The following INTS1 variants were observed in gnomAD, a reference collection of about 807,000 sequenced individuals.
The protein encoded by INTS1 is integrator complex subunit 1.
A neutral mutation model predicts 241.6 loss-of-function variants in INTS1; 137 were observed. The ratio of observed to expected loss-of-function variants is 0.57; its 90% CI spans 0.49 to 0.65. The LOEUF is 0.65. Among genes scored for constraint, INTS1 ranks in the 30% least tolerant of loss-of-function variants. The probability of loss-of-function intolerance (pLI) is 0.00; values close to 1 mark genes in which losing one functional copy is unlikely to be tolerated. For synonymous variants in INTS1, 1,692 were observed against 1,337.8 expected, an observed-to-expected ratio of 1.26 and a Z score of -5.78; for missense variants, 3,073 against 3,032.2, an observed-to-expected ratio of 1.01 and a Z score of -0.32.
Position 1,480,405 on chromosome 7 carries a change from T to C in INTS1, c.3986A>G (p.Glu1329Gly). The change falls in exon 30 of 48, where the codon GAG (glutamate) becomes GGG (glycine). Residue 1329 changes from glutamate (E) to glycine (G), a missense_variant. Coordinates refer to ENST00000404767, the MANE Select transcript of INTS1 (RefSeq NM_001080453.3). ...AATCCGGCCCTGGCCTATGGGCTGC[T>C]CTGGGCTGCTCTTTGGTTTGGGTGC... Reference protein sequence around the residue: ...TEAPKPKSSPEQPIGQGRIRV... With the variant: ...TEAPKPKSSPGQPIGQGRIRV... 1 of 1,613,390 alleles carries C rather than the reference T, an allele frequency of 6.2e-7. No individual in the cohort carries two copies. The highest frequency in any genetic ancestry group is 8.5e-7 in the Non-Finnish European group (1 of 1,179,706).
intron 16 of INTS1, 82 bp from the exon 17 acceptor site, chr7:1,489,764 G>A (rs1232393027): frequency 3.0e-6 from 3 of 984,184 alleles, no homozygotes; most frequent in Admixed American, 2.9e-5. Context: ...GGCAAAGCTG[G>A]GGCAGGGACG....
At position 1,485,433 on chromosome 7, in the gene INTS1, C is replaced by A. The variant is rs760716820; in HGVS notation, c.3013G>T (p.Asp1005Tyr). The part of the protein sequence containing the change: ...SLVLSEGSLR[D>Y]GEEKEPPMEE... ...ATGGGGGGCTCCTTCTCCTCCCCGTCCCGCAGGCTGCCCTCCGAAAGCACC... is the reference window on the plus strand; with the variant it reads ...ATGGGGGGCTCCTTCTCCTCCCCGTACCGCAGGCTGCCCTCCGAAAGCACC... Residue 1005 changes from aspartate (D) to tyrosine (Y), a missense_variant, in exon 23 of 48, where the codon GAC becomes TAC. Asp to Tyr is a radical substitution (Grantham distance 160). Coordinates refer to ENST00000404767, the MANE Select transcript of INTS1 (RefSeq NM_001080453.3). 12 of 1,612,788 alleles carry A rather than the reference C, an allele frequency of 7.4e-6. No homozygotes were observed. Among genetic ancestry groups the A allele is most frequent in the Non-Finnish European group, 1.0e-5 (12 of 1,179,844 alleles).
Position 1,493,419 on chromosome 7 carries a change from C to A in INTS1, c.2069-313G>T, listed in dbSNP as rs543577509. ...CCTCGGGGCAGAGCCACGGACGAGG[C>A]GCGAGCTGGATTTACAATCATTCTA... On this transcript the variant is annotated intron_variant, in intron 15 of 47. Coordinates refer to ENST00000404767, the MANE Select transcript of INTS1 (RefSeq NM_001080453.3). This position sits in a 1 kb window ranked among gnomAD's most constrained non-coding sequence, Gnocchi z 5.3. 6.6e-6 allele frequency among the ~76,000 whole-genome samples: 1 copy of A among 152,166 alleles called. No homozygotes were observed. Among genetic ancestry groups the A allele is most frequent in the South Asian group, 2.1e-4 (1 of 4,802 alleles).
rs758569026 is a variant in INTS1, at chr7:1,479,553, C to A, written c.4206G>T (p.Thr1402=). The A allele has an allele frequency of 1.0e-5, 16 of 1,554,180 alleles. No homozygotes were observed. The highest frequency in any genetic ancestry group is 1.4e-5 in the Non-Finnish European group (16 of 1,150,910). ...VQGSPEVPGI[T]VRVLQALATL... ...TGGCGAGGGCCTGCAGGACACGCACCGTGATGCCCGGCACCTCGGGGCTGC... is the reference window on the plus strand; with the variant it reads ...TGGCGAGGGCCTGCAGGACACGCACAGTGATGCCCGGCACCTCGGGGCTGC... Residue 1402 remains threonine (T), a synonymous_variant, in exon 31 of 48, where the codon ACG becomes ACT. Coordinates refer to ENST00000404767, the MANE Select transcript of INTS1 (RefSeq NM_001080453.3).
Position 1,487,771 on chromosome 7 carries a change from G to A in INTS1, c.2505C>T (p.Ser835=). ...TGTGGGCTGCGTACTGGGGGTCCAG[G>A]CTGGTGAGCTGCGACAGGAGGAGGC... The part of the protein sequence containing the change: ...SSSLLLSQLT[S]LDPQGPPRRP... Residue 835 remains serine, a synonymous_variant, in exon 19 of 48, where the codon AGC becomes AGT. Transcript: ENST00000404767. The A allele has an allele frequency of 1.9e-6, 3 of 1,608,738 alleles. No homozygotes were observed. The highest frequency in any genetic ancestry group is 1.1e-5 in the South Asian group (1 of 91,082).
rs1178131152 is a variant in INTS1 at position 1,499,045 on chromosome 7, G to A, written c.1067C>T (p.Ser356Phe). 1 of 1,590,444 alleles carries A rather than the reference G, an allele frequency of 6.3e-7. No homozygotes were observed. The highest frequency in any genetic ancestry group is 8.5e-7 in the Non-Finnish European group (1 of 1,169,928). Residue 356 changes from serine (S) to phenylalanine (F), a missense_variant, in exon 8 of 48, where the codon TCC becomes TTC. Transcript: ENST00000404767. ...CCGCACCTCCTTATAGCCGCAGGTG[G>A]AGGTGAGGAGCCGCAGGAGGTTCCT... is the stretch of plus-strand genomic sequence containing the variant. ...VSRNLLRLLTSTCGYKEVRLL... is the reference protein window; with the variant it reads ...VSRNLLRLLTFTCGYKEVRLL...
chr7:1,472,354 T>C lies in INTS1; in HGVS notation c.6103A>G (p.Ser2035Gly), dbSNP rs1488287285. The C allele has an allele frequency of 6.4e-7, 1 of 1,570,634 alleles. No homozygotes were observed. Among genetic ancestry groups the C allele is most frequent in the South Asian group, 1.2e-5 (1 of 85,712 alleles). ...GTCAGAGGGGTGAACAGGGAGACGC[T>C]GACCAGGGGCAAGGAGCCGGCTGAG... ...ESSAGSLPLV[S>G]VSLFTPLTAA... Residue 2035 changes from serine to glycine, a missense_variant, in exon 44 of 48, where the codon AGC (serine) becomes GGC (glycine). By Grantham distance (56) the Ser-to-Gly change is moderately conservative (BLOSUM62 0). Coordinates refer to ENST00000404767, the MANE Select transcript of INTS1 (RefSeq NM_001080453.3).
At position 1,497,815 on chromosome 7, in the gene INTS1, G is replaced by A. The variant is rs1050971860; in HGVS notation, c.1426-501C>T. 2.0e-5 allele frequency among the ~76,000 whole-genome samples: 3 copies of A among 152,344 alleles called. No homozygotes were observed. Among genetic ancestry groups the A allele is most frequent in the Admixed American group, 6.5e-5 (1 of 15,306 alleles). ...CCGGGAGGCCTAATGCGCTGGTGGC[G>A]ATGGGAGCATCTCCCGAGCCCGCTT... On this transcript the variant is annotated intron_variant, in intron 10 of 47. Transcript: ENST00000404767. This position sits in a 1 kb window ranked among gnomAD's most constrained non-coding sequence, Gnocchi z 5.3.
intron 12 of INTS1, among the ~76,000 whole-genome samples, chr7:1,495,769 C>T (rs1003673918): frequency 9.9e-5 from 15 of 152,152 alleles, no homozygotes; most frequent in South Asian, 2.1e-4. Flanking sequence ...CCGAGTGACT[C>T]GCTCCGGTCA....
Position 1,485,416 on chromosome 7 carries a change from C to G in INTS1, c.3030G>C (p.Glu1010Asp), listed in dbSNP as rs1267297874. 1.9e-6 allele frequency: 3 copies of G among 1,612,856 alleles called. No homozygotes were observed. The highest frequency in any genetic ancestry group is 1.7e-6 in the Non-Finnish European group (2 of 1,179,828). ...CCCCCACATCCTCCTCCATGGGGGGCTCCTTCTCCTCCCCGTCCCGCAGGC... is the reference window on the plus strand; with the variant it reads ...CCCCCACATCCTCCTCCATGGGGGGGTCCTTCTCCTCCCCGTCCCGCAGGC... ...EGSLRDGEEK[E>D]PPMEEDVGDT... is the part of the protein sequence containing the mutation. The change falls in exon 23 of 48, where the codon GAG (glutamate) becomes GAC (aspartate). Residue 1010 changes from glutamate to aspartate, a missense_variant. Physicochemically the swap from Glu to Asp is conservative, Grantham distance 45 (BLOSUM62 2). Coordinates refer to ENST00000404767, the MANE Select transcript of INTS1 (RefSeq NM_001080453.3).
Position 1,470,326 on chromosome 7 carries a change from G to A in INTS1, c.*251C>T, listed in dbSNP as rs1410073260. ...AACCAGCCCAGGCCATGCCCGGGGG[G>A]ATCCGCCGCTCCGCGGCAGGGCTGT... On this transcript the variant is annotated 3_prime_UTR_variant, in exon 48 of 48. Transcript: ENST00000404767. 8 of 472,814 alleles carry A rather than the reference G, an allele frequency of 1.7e-5. No individual in the cohort carries two copies. The highest frequency in any genetic ancestry group is 1.6e-4 in the Admixed American group (4 of 25,376). 29.3% of individuals were successfully genotyped at this position (472,814 alleles called of 1,614,324 possible). A position where few individuals can be genotyped will look rare whatever the true frequency, so the allele number is the denominator to read the frequency against.
At chr7:1,498,941 C>CCGGGGG in intron 8 of INTS1, 34 bp downstream of exon 8, 2 of 1,344,058 alleles carry the variant, frequency 1.5e-6, no homozygotes, top group South Asian at 1.3e-5. Context: ...CCCCCACCCC[C>CCGGGGG]TGCCCCGCCC....
chr7:1,475,528 G>A (rs868555683), intron 39 of INTS1, among the ~76,000 whole-genome samples: 6 of 152,186 alleles, frequency 3.9e-5, no homozygotes, highest in Middle Eastern at 6.8e-3. Context: ...TCCGGCCTGC[G>A]GTGGGGAAGC....
chr7:1,487,281 A>C (rs763981655), intron 20 of INTS1, 39 bp downstream of exon 20: 2 of 1,560,712 alleles, frequency 1.3e-6, no homozygotes, highest in Non-Finnish European at 1.7e-6. Flanking sequence ...CGGGCCTCCC[A>C]AGACCACCAT....
intron 44 of INTS1, among the ~76,000 whole-genome samples, chr7:1,472,068 G>A (rs967683271): frequency 1.3e-5 from 2 of 152,326 alleles, no homozygotes; most frequent in Admixed American, 1.3e-4. Context: ...AAGCAGAGCA[G>A]CCACCTCCAG....
rs140315649 is a variant in INTS1 at position 1,490,861 on chromosome 7, C to T, written c.2166-1179G>A. 3.8e-3 allele frequency among the ~76,000 whole-genome samples: 578 copies of T among 152,330 alleles called. 4 individuals are homozygous for T. The highest frequency in any genetic ancestry group is 0.013 in the African/African-American group (559 of 41,568). ...TGGACACATAGACGGACAGAACAGA[C>T]GTGCAGACGGACAGAATGGAGCTGA... On this transcript the variant is annotated intron_variant, in intron 16 of 47. Transcript: ENST00000404767.
Position 1,498,480 on chromosome 7 carries a change from C to A in INTS1, c.1357G>T (p.Ala453Ser), listed in dbSNP as rs538147485. ...ACCTGCATGTTGTTCGGGTTCCGGG[C>A]GCTGGAGAGCTCATTGAAGATCACC... ...KLVIFNELSS[A>S]RNPNNMQVLY... Residue 453 changes from alanine to serine, a missense_variant, in exon 10 of 48, where the codon GCC becomes TCC. By Grantham distance (99) the Ala-to-Ser change is moderately conservative (BLOSUM62 1). Transcript: ENST00000404767. 2.8e-4 allele frequency: 457 copies of A among 1,613,928 alleles called. 6 individuals are homozygous for A. In the South Asian group the frequency reaches 4.2e-3, roughly 15 times the overall value.
chr7:1,502,705 G>A (rs997540261), intron 3 of INTS1, among the ~76,000 whole-genome samples, 196 bp downstream of exon 3: 1 of 152,214 alleles, frequency 6.6e-6, no homozygotes, highest in Non-Finnish European at 1.5e-5. Flanking sequence ...GCCACTGGCA[G>A]TGCAGGACGC....
rs371226645 is a variant in INTS1, at chr7:1,503,097, G to T, written c.153C>A (p.Ser51=). Residue 51 remains serine, a synonymous_variant, in exon 3 of 48, where the codon TCC becomes TCA. Coordinates refer to ENST00000404767, the MANE Select transcript of INTS1 (RefSeq NM_001080453.3). ...TASTLLKPAP[S]GLPSERKRDA... ...CCCGCTTGCGCTCAGAAGGCAGGCCGGAAGGGGCTGGCTTCAGCAGGGTGG... is the reference window on the plus strand; with the variant it reads ...CCCGCTTGCGCTCAGAAGGCAGGCCTGAAGGGGCTGGCTTCAGCAGGGTGG... The T allele has an allele frequency of 2.5e-6, 4 of 1,610,696 alleles. No individual in the cohort carries two copies. The African/African-American group carries it at 5.3e-5, about 21-fold the overall frequency.
Sources: gnomAD v4.1 joint callset for allele counts (sites outside exome capture counted in the v4.1 genomes callset) on GRCh38, gnomAD v4.1.1 for gene constraint, Gnocchi (gnomAD v3.1) non-coding constraint, MANE v1.5 for transcripts, NCBI Gene and HGNC (gene_info 2026-07-23, HGNC 2026-07-21) for gene names.